The following COBLL1 variants were observed in gnomAD, a reference collection of about 807,000 sequenced individuals.
The protein encoded by COBLL1 is cordon-bleu WH2 repeat protein like 1.
Under a neutral mutation model 94.8 loss-of-function variants are expected in COBLL1, and 50 were observed. The observed-to-expected ratio is 0.53, with a 90% CI of 0.42 to 0.67. The LOEUF is 0.67. COBLL1 is among the 30% of genes least tolerant of loss of function. COBLL1 has a pLI of 0.00. For synonymous variants in COBLL1, 448 were observed against 473.8 expected, an observed-to-expected ratio of 0.95 and a Z score of 0.71; for missense variants, 1,362 against 1,348.7, an observed-to-expected ratio of 1.01 and a Z score of -0.15.
Position 164,722,598 on chromosome 2 carries a change from C to A in COBLL1, c.662-76G>T, listed in dbSNP as rs995129509. ...CTTCCAAGATTTCTTTCTCTTACTTCCCCTTTGCAAACTTATCTAATGCTA... is the reference window on the plus strand; with the variant it reads ...CTTCCAAGATTTCTTTCTCTTACTTACCCTTTGCAAACTTATCTAATGCTA... On this transcript the variant is annotated intron_variant, in intron 5 of 13. Transcript: ENST00000652658. 7.8e-6 allele frequency: 6 copies of A among 766,562 alleles called. No homozygotes were observed. The African/African-American group carries it at 8.9e-5, about 11-fold the overall frequency. The allele number at this position is 766,562 out of a possible 1,614,324, so 47.5% of individuals were successfully genotyped here. A position where few individuals can be genotyped will look rare whatever the true frequency, so the allele number is the denominator to read the frequency against.
At chr2:164,765,571 A>G (rs1488331686) in intron 2 of COBLL1, among the ~76,000 whole-genome samples, 1 of 152,184 alleles carries the variant, frequency 6.6e-6, no homozygotes, top group Non-Finnish European at 1.5e-5. Context: ...GAGACGAATA[A>G]AAGGGAAAAA....
At chr2:164,812,350 T>C (rs773662252) in intron 2 of COBLL1, among the ~76,000 whole-genome samples, 1 of 152,066 alleles carries the variant, frequency 6.6e-6, no homozygotes, top group Non-Finnish European at 1.5e-5. Context: ...CCATGTGTGC[T>C]AGGTACATAG....
Position 164,729,993 on chromosome 2 carries a change from A to G in COBLL1, c.353T>C (p.Ile118Thr). Residue 118 changes from isoleucine to threonine, a missense_variant, in exon 4 of 14, where the codon ATA (isoleucine) becomes ACA (threonine). By Grantham distance (89) the Ile-to-Thr change is moderately conservative (BLOSUM62 -1). Transcript: ENST00000652658. ...TACCTTCTCTACCTCCAACATTCCTATTGGTGTGTTTGGCTTAAATTTAAT... is the reference window on the plus strand; with the variant it reads ...TACCTTCTCTACCTCCAACATTCCTGTTGGTGTGTTTGGCTTAAATTTAAT... Reference protein sequence around the residue: ...NHIKFKPNTPIGMLEVEKVIL... With the variant: ...NHIKFKPNTPTGMLEVEKVIL... The G allele has an allele frequency of 5.0e-6, 8 of 1,613,924 alleles. No homozygotes were observed. The highest frequency in any genetic ancestry group is 1.3e-5 in the African/African-American group (1 of 74,998).
intron 2 of COBLL1, among the ~76,000 whole-genome samples, chr2:164,756,418 T>G (rs16849703): frequency 0.016 from 2,435 of 152,244 alleles, 27 homozygotes; most frequent in South Asian, 0.027. Flanking sequence ...TTTAGTAATA[T>G]CCTAATAATA....
intron 2 of COBLL1, among the ~76,000 whole-genome samples, chr2:164,664,462 C>T (rs1691121669): frequency 6.6e-6 from 1 of 152,094 alleles, no homozygotes; most frequent in Admixed American, 6.6e-5. Context: ...TACTTTAGGG[C>T]AATGATCTAC....
At chr2:164,706,834 G>A (rs1447457122) in intron 7 of COBLL1, among the ~76,000 whole-genome samples, 1 of 152,102 alleles carries the variant, frequency 6.6e-6, no homozygotes, top group Non-Finnish European at 1.5e-5. Context: ...AAAAGAATCT[G>A]CTATCTTTAA....
At chr2:164,671,741 C>A (rs975377834) in intron 1 of COBLL1, among the ~76,000 whole-genome samples, 13 of 149,506 alleles carry the variant, frequency 8.7e-5, no homozygotes, top group African/African-American at 3.2e-4. Context: ...TTTTTTTTTC[C>A]AAGAGGCTGA....
chr2:164,660,592 TATACTC>T (rs1691054965), intron 2 of COBLL1, among the ~76,000 whole-genome samples: 1 of 152,174 alleles, frequency 6.6e-6, no homozygotes, highest in South Asian at 2.1e-4. Flanking sequence ...TTTGGTGTAT[TATACTC>T]ATACTGTGTT....
intron 2 of COBLL1, among the ~76,000 whole-genome samples, chr2:164,753,898 T>C (rs1177042314): frequency 6.6e-6 from 1 of 151,992 alleles, no homozygotes; most frequent in African/African-American, 2.4e-5. Context: ...TTCATTACCA[T>C]GCCCAGCTAA....
At chr2:164,799,391 T>C (rs1683646236) in intron 2 of COBLL1, among the ~76,000 whole-genome samples, 1 of 152,186 alleles carries the variant, frequency 6.6e-6, no homozygotes, top group Non-Finnish European at 1.5e-5. Flanking sequence ...TACTTGACTG[T>C]AACTCCATCA....
In COBLL1 at chr2:164,704,071, G is replaced by A. The variant is rs1263720993; in HGVS notation, c.1225+373C>T. On this transcript the variant is annotated intron_variant, in intron 9 of 13. Transcript: ENST00000652658. ...TAGAACAGTTGCATCAAGAAATTGT[G>A]CTTACACTTTCCTGTAAGTTTTCTT... Among the ~76,000 whole-genome samples, 4 of 152,124 alleles carry A rather than the reference G, an allele frequency of 2.6e-5. No individual in the cohort carries two copies. In the East Asian group the frequency reaches 7.7e-4, roughly 29 times the overall value.
At chr2:164,786,480 T>C (rs111755486) in intron 2 of COBLL1, among the ~76,000 whole-genome samples, 1 of 152,218 alleles carries the variant, frequency 6.6e-6, no homozygotes, top group African/African-American at 2.4e-5. Context: ...TCTGGAAAAC[T>C]AGATGTATGA....
chr2:164,801,438 CAAAAAAAAAAAA>C lies in COBLL1; in HGVS notation c.41+39706_41+39717del, dbSNP rs143505097. 1.8e-3 allele frequency among the ~76,000 whole-genome samples: 51 copies of C among 28,176 alleles called. 1 individual carries two copies. The highest frequency in any genetic ancestry group is 2.4e-3 in the Admixed American group (3 of 1,272). 18.5% of individuals were successfully genotyped at this position (28,176 alleles called of 152,430 possible). Reference sequence around the variant, plus strand: ...TGGGCGACAGAGCGAGACTCCGTCTCAAAAAAAAAAAAAAAAAAAAAAAAAAAAAAAGCTTAG... The same window carrying C: ...TGGGCGACAGAGCGAGACTCCGTCTCAAAAAAAAAAAAAAAAAAAGCTTAG... On this transcript the variant is annotated intron_variant, in intron 2 of 13. Coordinates refer to ENST00000652658, the MANE Select transcript of COBLL1 (RefSeq NM_001365672.2).
chr2:164,696,924 G>C (rs1030175192), intron 11 of COBLL1: 1 of 152,248 alleles, frequency 6.6e-6, no homozygotes, highest in South Asian at 2.1e-4. Flanking sequence ...TTAAATGTGA[G>C]CCTTGGGGGT....
At chr2:164,840,936 G>A in intron 2 of COBLL1, 1 of 410,486 alleles carries the variant, frequency 2.4e-6, no homozygotes, top group Non-Finnish European at 4.2e-6. Flanking sequence ...ACCCAGGGCA[G>A]CCCCGGTAGG....
At chr2:164,800,784 G>GA (rs1286472389) in intron 2 of COBLL1, among the ~76,000 whole-genome samples, 4 of 151,976 alleles carry the variant, frequency 2.6e-5, no homozygotes, top group African/African-American at 7.2e-5. Context: ...TATACCGAGT[G>GA]AAAAAAAGTC....
At chr2:164,715,486 T>C (rs565043462) in intron 7 of COBLL1, among the ~76,000 whole-genome samples, 10 of 152,148 alleles carry the variant, frequency 6.6e-5, no homozygotes, top group Non-Finnish European at 2.9e-5. Context: ...CATACTCTAT[T>C]ACAACAGAGG....
chr2:164,732,252 A>C (rs949862698), intron 3 of COBLL1, among the ~76,000 whole-genome samples: 1 of 152,226 alleles, frequency 6.6e-6, no homozygotes, highest in African/African-American at 2.4e-5. Flanking sequence ...TGTCTTTATT[A>C]GATGGTTGCA....
At chr2:164,769,359 T>C (rs1259331977) in intron 2 of COBLL1, among the ~76,000 whole-genome samples, 1 of 152,204 alleles carries the variant, frequency 6.6e-6, no homozygotes, top group Non-Finnish European at 1.5e-5. Context: ...GTAGGGTTGC[T>C]AAACATCTAT....
Sources: gnomAD v4.1 joint callset for allele counts (sites outside exome capture counted in the v4.1 genomes callset) on GRCh38, gnomAD v4.1.1 for gene constraint, MANE v1.5 for transcripts, NCBI Gene and HGNC (gene_info 2026-07-23, HGNC 2026-07-21) for gene names.